PRRC2B: variants seen among roughly 807,000 people sequenced by gnomAD.
PRRC2B encodes proline rich coiled-coil 2B.
A neutral mutation model predicts 242.3 loss-of-function variants in PRRC2B; 68 were observed. That is an observed-to-expected ratio of 0.28 (90% CI 0.23 to 0.34). PRRC2B has a LOEUF of 0.34. PRRC2B is among the 10% of genes least tolerant of loss of function. The probability of loss-of-function intolerance (pLI) is 1.00; values close to 1 mark genes in which losing one functional copy is unlikely to be tolerated. For synonymous variants in PRRC2B, 1,228 were observed against 1,173.6 expected, an observed-to-expected ratio of 1.05 and a Z score of -0.95; for missense variants, 2,835 against 2,954.8, an observed-to-expected ratio of 0.96 and a Z score of 0.94.
chr9:131,466,348 T>C (rs1162431701), intron 12 of PRRC2B, among the ~76,000 whole-genome samples: 1 of 152,248 alleles, frequency 6.6e-6, no homozygotes, highest in Non-Finnish European at 1.5e-5. Flanking sequence ...CAGTATATTA[T>C]TGTAATTAAT....
At chr9:131,444,371 C>T (rs758462265) in intron 6 of PRRC2B, 43 bp downstream of exon 6, 1 of 1,588,788 alleles carries the variant, frequency 6.3e-7, no homozygotes, top group South Asian at 1.1e-5. Context: ...AGTAACAGAA[C>T]TTCCTCCTCT....
In PRRC2B at chr9:131,491,570, C is replaced by G. The variant is rs745903497; in HGVS notation, c.6371C>G (p.Thr2124Ser). The change falls in exon 29 of 32, where the codon ACC becomes AGC. Residue 2124 changes from threonine (T) to serine (S), a missense_variant. Transcript: ENST00000683519. ...GGGTCCCAGCCGCCAGTCCTGAACA[C>G]CAGCAGAGAGGTAAGGGGACCCCAT... ...PPGSQPPVLN[T>S]SREPSQMEMK... The G allele has an allele frequency of 1.7e-5, 28 of 1,610,364 alleles. No individual in the cohort carries two copies. The South Asian group carries it at 2.0e-4, about 11-fold the overall frequency.
chr9:131,386,526 C>T (rs188205830), intron 1 of PRRC2B, among the ~76,000 whole-genome samples: 2 of 150,274 alleles, frequency 1.3e-5, no homozygotes, highest in East Asian at 4.0e-4. Context: ...ACTTGACTTT[C>T]CCCCCTTAAT....
Position 131,482,447 on chromosome 9 carries a change from C to T in PRRC2B, c.5060C>T (p.Ser1687Leu). ...TCTCGGGAGTCGTCTGCGACCTCCT[C>T]GCAGCGCAGCTCCCCATATGGGACT... is the stretch of plus-strand genomic sequence containing the variant. ...AESRESSATS[S>L]QRSSPYGTLK... is the part of the protein sequence containing the mutation. The change falls in exon 21 of 32, where the codon TCG (serine) becomes TTG (leucine). Residue 1687 changes from serine to leucine, a missense_variant. By Grantham distance (145) the Ser-to-Leu change is moderately radical. Transcript: ENST00000683519. This position sits in a 1 kb window ranked among gnomAD's most constrained non-coding sequence, Gnocchi z 5.2. 6.2e-7 allele frequency: 1 copy of T among 1,608,394 alleles called. No homozygotes were observed. Among genetic ancestry groups the T allele is most frequent in the Non-Finnish European group, 8.5e-7 (1 of 1,175,210 alleles).
At chr9:131,399,281 A>G (rs1837156978) in intron 1 of PRRC2B, among the ~76,000 whole-genome samples, 1 of 145,496 alleles carries the variant, frequency 6.9e-6, no homozygotes, top group Non-Finnish European at 1.5e-5. Flanking sequence ...TGTCTCAAAA[A>G]AAAAAAAAAA....
chr9:131,396,322 TTTC>T (rs1303201282), intron 1 of PRRC2B, among the ~76,000 whole-genome samples: 6 of 141,892 alleles, frequency 4.2e-5, no homozygotes, highest in Admixed American at 1.4e-4. Context: ...TTTCTTTTCT[TTTC>T]TTTTTTTTTT....
chr9:131,499,495 T>C lies in PRRC2B; in HGVS notation c.*3621T>C, dbSNP rs1053436. 16,837 of 152,242 alleles carry C rather than the reference T, an allele frequency of 0.11. 1,155 individuals carry two copies. The highest frequency in any genetic ancestry group is 0.14 in the Non-Finnish European group (9,768 of 68,018). The allele number at this position is 152,242 out of a possible 1,614,324, so 9.4% of individuals were successfully genotyped here. On this transcript the variant is annotated 3_prime_UTR_variant, in exon 32 of 32. Coordinates refer to ENST00000683519, the MANE Select transcript of PRRC2B (RefSeq NM_013318.4). ...CGTGTTCTGTGATGAATGGGAAACG[T>C]AGGCTTCCAGAAAGCCAGCTCTCTT...
Position 131,484,669 on chromosome 9 carries a change from CT to C in PRRC2B, c.5461-13del. The C allele has an allele frequency of 3.2e-6, 5 of 1,581,808 alleles. No individual in the cohort carries two copies. Among genetic ancestry groups the C allele is most frequent in the Non-Finnish European group, 4.3e-6 (5 of 1,163,574 alleles). On this transcript the variant is annotated splice_polypyrimidine_tract_variant and intron_variant, in intron 23 of 31. Coordinates refer to ENST00000683519, the MANE Select transcript of PRRC2B (RefSeq NM_013318.4). The stretch of plus-strand genomic sequence containing the variant: ...GCACCTGTTTGTGTTCCATGGTTTC[CT>C]TTTCCTCCTCTCCAGGCAGGGTTAA...
intron 1 of PRRC2B, among the ~76,000 whole-genome samples, chr9:131,415,254 C>G (rs1337575566): frequency 1.3e-5 from 2 of 152,240 alleles, no homozygotes; most frequent in Non-Finnish European, 2.9e-5. Flanking sequence ...CTTGGCCTCC[C>G]AAAGTGGTGG....
intron 14 of PRRC2B, 140 bp from the exon 15 acceptor site, chr9:131,473,368 T>G: frequency 1.6e-6 from 1 of 636,298 alleles, no homozygotes; most frequent in Non-Finnish European, 2.7e-6. Flanking sequence ...TTAAGAGCCC[T>G]ATGATGTGTA....
intron 9 of PRRC2B, among the ~76,000 whole-genome samples, chr9:131,453,280 G>A (rs1324534674): frequency 1.3e-5 from 2 of 152,084 alleles, no homozygotes; most frequent in Non-Finnish European, 2.9e-5. Flanking sequence ...GCTCCTTTAT[G>A]TTTGTATTTA....
intron 1 of PRRC2B, among the ~76,000 whole-genome samples, chr9:131,382,790 G>A (rs1836777686): frequency 1.3e-5 from 2 of 151,820 alleles, no homozygotes; most frequent in African/African-American, 4.8e-5. Flanking sequence ...GATTATAGGT[G>A]TGCACCACCA....
chr9:131,418,878 C>A (rs916885091), intron 1 of PRRC2B, among the ~76,000 whole-genome samples: 29 of 152,310 alleles, frequency 1.9e-4, no homozygotes, highest in African/African-American at 7.0e-4. Context: ...CACAGTAGAA[C>A]ACGGGCGAGG....
chr9:131,443,202 C>G (rs182218694), intron 5 of PRRC2B, among the ~76,000 whole-genome samples: 1 of 151,456 alleles, frequency 6.6e-6, no homozygotes, highest in African/African-American at 2.4e-5. Flanking sequence ...GGCACGATCT[C>G]GGCTCACTGC....
At chr9:131,463,358 G>T (rs868465766) in intron 11 of PRRC2B, among the ~76,000 whole-genome samples, 5 of 152,114 alleles carry the variant, frequency 3.3e-5, no homozygotes, top group South Asian at 2.1e-4. Flanking sequence ...AAAAGGCCTA[G>T]ATCCTGTTTC....
At position 131,419,484 on chromosome 9, in the gene PRRC2B, G is replaced by A. The variant is rs1277191392; in HGVS notation, c.-51-10610G>A. 2.0e-5 allele frequency among the ~76,000 whole-genome samples: 3 copies of A among 152,296 alleles called. 1 individual carries two copies. The highest frequency in any genetic ancestry group is 4.1e-4 in the South Asian group (2 of 4,822). On this transcript the variant is annotated intron_variant, in intron 1 of 31. Coordinates refer to ENST00000683519, the MANE Select transcript of PRRC2B (RefSeq NM_013318.4). ...CACCACCCAGAGCAGCCCTGCTGGG[G>A]AACGGAGGCTTCCCTGGCTGCATAG...
intron 11 of PRRC2B, among the ~76,000 whole-genome samples, chr9:131,461,425 T>G (rs1000712379): frequency 3.5e-4 from 54 of 152,236 alleles, no homozygotes; most frequent in African/African-American, 1.3e-3. Context: ...CTGGCTTGCA[T>G]TGCCACACCT....
In PRRC2B at chr9:131,475,813, G is replaced by C. The variant is rs751272808; in HGVS notation, c.3684G>C (p.Gln1228His). Residue 1228 changes from glutamine to histidine, a missense_variant, in exon 16 of 32, where the codon CAG (glutamine) becomes CAC (histidine). Physicochemically the swap from Gln to His is conservative, Grantham distance 24 (BLOSUM62 0). Transcript: ENST00000683519. ...TCTCCAAAGAGTCACCCCACTGGCA[G>C]AGCAAAAGTCCAGGCAGCTCTTGGC... ...TFVSKESPHWQSKSPGSSWQE... is the reference protein window; with the variant it reads ...TFVSKESPHWHSKSPGSSWQE... 6.8e-6 allele frequency: 11 copies of C among 1,612,674 alleles called. No homozygotes were observed. In the East Asian group the frequency reaches 2.2e-4, roughly 33 times the overall value.
chr9:131,497,533 C>T lies in PRRC2B; in HGVS notation c.*1659C>T, dbSNP rs1305624785. 6.6e-6 allele frequency: 1 copy of T among 152,232 alleles called. No homozygotes were observed. Among genetic ancestry groups the T allele is most frequent in the East Asian group, 1.9e-4 (1 of 5,190 alleles). The allele number at this position is 152,232 out of a possible 1,614,324, so 9.4% of individuals were successfully genotyped here. ...CGTCTCACGGGTGCAGGACAGCGCT[C>T]AGGCTTGGGCTCTAAGCTCTGTGTC... On this transcript the variant is annotated 3_prime_UTR_variant, in exon 32 of 32. Transcript: ENST00000683519.
Sources: gnomAD v4.1 joint callset for allele counts (sites outside exome capture counted in the v4.1 genomes callset) on GRCh38, gnomAD v4.1.1 for gene constraint, Gnocchi (gnomAD v3.1) non-coding constraint, MANE v1.5 for transcripts, NCBI Gene and HGNC (gene_info 2026-07-23, HGNC 2026-07-21) for gene names.